Variants in SOX5 observed in about 807,000 individuals in gnomAD.
SOX5 encodes transcription factor SOX-5.
A neutral mutation model predicts 92.0 loss-of-function variants in SOX5; 9 were observed. The observed-to-expected ratio is 0.10, with a 90% CI of 0.06 to 0.17. The LOEUF (loss-of-function observed/expected upper bound fraction) is 0.17. Among genes scored for constraint, SOX5 ranks in the 10% least tolerant of loss-of-function variants. SOX5 has a pLI of 1.00. For synonymous variants in SOX5, 344 were observed against 336.3 expected (o/e 1.02, Z -0.25); for missense variants, 642 against 944.5 (o/e 0.68, Z 4.20).
At chr12:23,954,651 A>C (rs1261898733), upstream of SOX5, among the ~76,000 whole-genome samples, 1 of 152,002 alleles carries the variant, frequency 6.6e-6, no homozygotes, top group Non-Finnish European at 1.5e-5. Context: ...TTAAAGACCT[A>C]AAATTCAGTC....
intron 7 of SOX5, among the ~76,000 whole-genome samples, chr12:23,661,684 T>G (rs2083070950): frequency 6.6e-6 from 1 of 152,220 alleles, no homozygotes; most frequent in African/African-American, 2.4e-5. Flanking sequence ...GCTCACATGT[T>G]AAAGTCTTTG....
At chr12:24,314,235 G>C (rs1403351723) in intron 2 of SOX5, among the ~76,000 whole-genome samples, 1 of 152,060 alleles carries the variant, frequency 6.6e-6, no homozygotes, top group Non-Finnish European at 1.5e-5. Flanking sequence ...AGTTTGCTGA[G>C]AATGATGGTT....
At chr12:24,181,315 T>C (rs1046446670) in intron 4 of SOX5, among the ~76,000 whole-genome samples, 1 of 152,202 alleles carries the variant, frequency 6.6e-6, no homozygotes, top group East Asian at 1.9e-4. Context: ...TCTCATAGGT[T>C]TGATCATCTT....
At chr12:23,605,897 A>G (rs2075193543) in intron 8 of SOX5, among the ~76,000 whole-genome samples, 1 of 152,204 alleles carries the variant, frequency 6.6e-6, no homozygotes, top group Admixed American at 6.5e-5. Flanking sequence ...AAAAGACCAG[A>G]AAAATATTTT....
chr12:24,502,391 T>G (rs1413637250), intron 1 of SOX5, among the ~76,000 whole-genome samples: 1 of 152,084 alleles, frequency 6.6e-6, no homozygotes, highest in East Asian at 1.9e-4. Flanking sequence ...TAAAACAATT[T>G]GATCAAAAAA....
chr12:23,830,418 G>A (rs765002759), intron 3 of SOX5, among the ~76,000 whole-genome samples: 1 of 152,106 alleles, frequency 6.6e-6, no homozygotes, highest in East Asian at 1.9e-4. Context: ...ATTAGGAGTA[G>A]CCTCCAACAG....
intron 1 of SOX5, among the ~76,000 whole-genome samples, chr12:24,448,137 T>C (rs1941761695): frequency 6.6e-6 from 1 of 152,110 alleles, no homozygotes; most frequent in Admixed American, 6.6e-5. Flanking sequence ...CAGCATGGGC[T>C]GGGTGACAGA....
At chr12:24,304,509 C>A (rs1948353245) in intron 2 of SOX5, among the ~76,000 whole-genome samples, 1 of 152,100 alleles carries the variant, frequency 6.6e-6, no homozygotes, top group African/African-American at 2.4e-5. Flanking sequence ...GAAGATTGAG[C>A]AGTTTGGCAG....
At chr12:23,959,753 T>C (rs1946684019) in intron 4 of SOX5, among the ~76,000 whole-genome samples, 1 of 151,996 alleles carries the variant, frequency 6.6e-6, no homozygotes, top group South Asian at 2.1e-4. Flanking sequence ...GAAAAGGAAA[T>C]AGAAAGTGTC....
chr12:23,798,350 A>T (rs1250328391), intron 3 of SOX5, among the ~76,000 whole-genome samples: 1 of 151,946 alleles, frequency 6.6e-6, no homozygotes, highest in African/African-American at 2.4e-5. Flanking sequence ...TCTCTTTCCT[A>T]TGATTGCCAT....
At chr12:23,810,534 T>C (rs992009996) in intron 3 of SOX5, among the ~76,000 whole-genome samples, 1 of 152,090 alleles carries the variant, frequency 6.6e-6, no homozygotes, top group Non-Finnish European at 1.5e-5. Flanking sequence ...AAATCAAAAG[T>C]AGATAACACC....
intron 1 of SOX5, among the ~76,000 whole-genome samples, chr12:24,526,890 T>A (rs1040766210): frequency 6.6e-6 from 1 of 152,018 alleles, no homozygotes; most frequent in Non-Finnish European, 1.5e-5. Flanking sequence ...CAGTCATAGT[T>A]CACTGCAGCC....
At chr12:23,710,231 AATATATG>A (rs1250131455) in intron 6 of SOX5, among the ~76,000 whole-genome samples, 7 of 151,992 alleles carry the variant, frequency 4.6e-5, no homozygotes, top group Non-Finnish European at 8.8e-5. Context: ...TTTTCAGTGC[AATATATG>A]ATATATATTT....
chr12:23,543,809 A>G (rs759494642), intron 12 of SOX5, among the ~76,000 whole-genome samples: 2 of 152,214 alleles, frequency 1.3e-5, no homozygotes, highest in Non-Finnish European at 2.9e-5. Context: ...TATCTTTGCT[A>G]CTTAAAGACT....
At chr12:24,056,599 C>T (rs565321587) in intron 4 of SOX5, among the ~76,000 whole-genome samples, 26 of 152,128 alleles carry the variant, frequency 1.7e-4, no homozygotes, top group South Asian at 6.2e-4. Flanking sequence ...AGGTGAGGTG[C>T]GTATTAAAAT....
intron 4 of SOX5, among the ~76,000 whole-genome samples, chr12:24,027,190 G>T (rs970163422): frequency 6.6e-6 from 1 of 151,964 alleles, no homozygotes; most frequent in Non-Finnish European, 1.5e-5. Flanking sequence ...TCCTTAGCCA[G>T]ATCTTTAAAT....
chr12:24,435,157 A>T (rs1053831167), intron 1 of SOX5, among the ~76,000 whole-genome samples: 5 of 152,226 alleles, frequency 3.3e-5, no homozygotes, highest in African/African-American at 7.2e-5. Flanking sequence ...AGGGAAAAAA[A>T]GTATACAGAG....
At chr12:24,256,325 C>CTG (rs1310383664) in intron 3 of SOX5, among the ~76,000 whole-genome samples, 6 of 152,184 alleles carry the variant, frequency 3.9e-5, no homozygotes, top group African/African-American at 1.4e-4. Context: ...GCTTTCCATT[C>CTG]TGTAGTCTGA....
chr12:24,364,495 C>T, intron 2 of SOX5, among the ~76,000 whole-genome samples: 1 of 125,724 alleles, frequency 8.0e-6, no homozygotes, highest in South Asian at 2.5e-4. Flanking sequence ...CAAAACTGAA[C>T]AACTTAACAT....
Sources: allele counts gnomAD v4.1 joint callset (sites outside exome capture counted in the v4.1 genomes callset), GRCh38; gene constraint gnomAD v4.1.1; transcripts MANE v1.5; gene names NCBI Gene and HGNC (gene_info 2026-07-23, HGNC 2026-07-21).